The following RPS6KC1 variants were observed in gnomAD, a reference collection of about 807,000 sequenced individuals.
The protein encoded by RPS6KC1 is ribosomal protein S6 kinase C1, also known as inactive ribosomal protein S6 kinase delta-1.
A neutral mutation model predicts 103.8 loss-of-function variants in RPS6KC1; 54 were observed. The ratio of observed to expected loss-of-function variants is 0.52; its 90% confidence interval spans 0.42 to 0.65. RPS6KC1 has a LOEUF of 0.65. RPS6KC1 is among the 30% of genes least tolerant of loss of function. The pLI is 0.00. For missense variants in RPS6KC1, 1,151 were observed against 1,253.8 expected (o/e 0.92, Z 1.24); for synonymous variants, 439 against 438.7 (o/e 1.00, Z -0.01).
At chr1:213,088,672 A>AT (rs904968987) in intron 3 of RPS6KC1, among the ~76,000 whole-genome samples, 2 of 151,888 alleles carry the variant, frequency 1.3e-5, no homozygotes, top group Admixed American at 6.6e-5. Flanking sequence ...CTCATGGCTA[A>AT]TTTTTTTTAT....
the RPS6KC1 span, among the ~76,000 whole-genome samples, chr1:213,786,239 A>G: frequency 6.6e-6 from 1 of 152,290 alleles, no homozygotes; most frequent in African/African-American, 2.4e-5. Flanking sequence ...GTATAAAAAG[A>G]TTTGTTCTTA....
chr1:213,802,796 C>G, the RPS6KC1 span, among the ~76,000 whole-genome samples: 1 of 152,266 alleles, frequency 6.6e-6, no homozygotes, highest in South Asian at 2.1e-4. Context: ...TCCTGGGATG[C>G]TTGAGGTGAG....
At chr1:213,134,113 T>C (rs6692144) in intron 6 of RPS6KC1, among the ~76,000 whole-genome samples, 110,328 of 151,880 alleles carry the variant, frequency 0.73, 40,852 homozygotes, top group African/African-American at 0.86. Flanking sequence ...TCAAATTGAG[T>C]GACGGCCCTT....
the RPS6KC1 span, among the ~76,000 whole-genome samples, chr1:213,788,494 A>G: frequency 2.0e-5 from 3 of 151,964 alleles, no homozygotes; most frequent in Non-Finnish European, 4.4e-5. Context: ...AAAAAGCAAA[A>G]CCCACCGAAA....
chr1:213,068,710 A>G (rs1022622731), intron 1 of RPS6KC1, among the ~76,000 whole-genome samples: 14 of 151,646 alleles, frequency 9.2e-5, no homozygotes, highest in Non-Finnish European at 2.1e-4. Flanking sequence ...ACATGTAGCT[A>G]TTTTGATTTA....
At chr1:213,473,329 A>G in the RPS6KC1 span, among the ~76,000 whole-genome samples, 2 of 152,192 alleles carry the variant, frequency 1.3e-5, no homozygotes, top group Non-Finnish European at 2.9e-5. Context: ...CTATCCCCCA[A>G]TAGTGGACAG....
At chr1:213,168,646 G>A (rs1020725453) in intron 7 of RPS6KC1, among the ~76,000 whole-genome samples, 1 of 150,922 alleles carries the variant, frequency 6.6e-6, no homozygotes, top group African/African-American at 2.4e-5. Context: ...TTTTTGAAAC[G>A]GAGTCTCACT....
intron 5 of RPS6KC1, among the ~76,000 whole-genome samples, chr1:213,119,373 G>C (rs2084078955): frequency 6.8e-6 from 1 of 146,198 alleles, no homozygotes; most frequent in Non-Finnish European, 1.5e-5. Flanking sequence ...CCTGAACCAT[G>C]GGGGTGGAGG....
chr1:213,357,320 C>T, the RPS6KC1 span, among the ~76,000 whole-genome samples: 1 of 152,128 alleles, frequency 6.6e-6, no homozygotes, highest in Non-Finnish European at 1.5e-5. Flanking sequence ...GGGCCCTGTC[C>T]TGCCAGCTTT....
At chr1:213,278,968 A>G (rs188906228), downstream of RPS6KC1, among the ~76,000 whole-genome samples, 2 of 151,986 alleles carry the variant, frequency 1.3e-5, no homozygotes, top group Non-Finnish European at 2.9e-5. Flanking sequence ...AGGCATGGAG[A>G]TGGGAAAATG....
At chr1:213,504,119 G>T in the RPS6KC1 span, among the ~76,000 whole-genome samples, 1 of 152,194 alleles carries the variant, frequency 6.6e-6, no homozygotes, top group Admixed American at 6.5e-5. Flanking sequence ...TTAATGCCAG[G>T]TATATACAAT....
chr1:213,813,803 A>C, the RPS6KC1 span, among the ~76,000 whole-genome samples: 1 of 152,288 alleles, frequency 6.6e-6, no homozygotes, highest in Admixed American at 6.5e-5. Flanking sequence ...TGCCAACAGC[A>C]AGCTCGTCTC....
At chr1:213,854,554 T>TTCTTTC in the RPS6KC1 span, among the ~76,000 whole-genome samples, 447 of 108,472 alleles carry the variant, frequency 4.1e-3, 2 homozygotes, top group South Asian at 0.02. Context: ...CTTTCTTTCT[T>TTCTTTC]TCTTTCTTTC....
chr1:213,538,732 G>A, the RPS6KC1 span, among the ~76,000 whole-genome samples: 1 of 152,158 alleles, frequency 6.6e-6, no homozygotes, highest in Admixed American at 6.5e-5. Context: ...CTGTGCACTA[G>A]TACTCATCCT....
chr1:213,260,398 A>G (rs1487518947), intron 12 of RPS6KC1, among the ~76,000 whole-genome samples: 1 of 152,150 alleles, frequency 6.6e-6, no homozygotes, highest in African/African-American at 2.4e-5. Context: ...TGAATGGAGT[A>G]ATTTCAGTGT....
the RPS6KC1 span, among the ~76,000 whole-genome samples, chr1:213,376,601 C>T: frequency 6.6e-6 from 1 of 152,086 alleles, no homozygotes; most frequent in Non-Finnish European, 1.5e-5. Flanking sequence ...GATTTTGCCT[C>T]CTGCTCTGCT....
chr1:213,694,889 G>A, the RPS6KC1 span, among the ~76,000 whole-genome samples: 2 of 152,180 alleles, frequency 1.3e-5, no homozygotes, highest in Non-Finnish European at 2.9e-5. Flanking sequence ...AGGAAAACCA[G>A]GTAGGTTCTG....
intron 10 of RPS6KC1, among the ~76,000 whole-genome samples, chr1:213,239,609 T>G (rs2094305261): frequency 6.6e-6 from 1 of 152,174 alleles, no homozygotes; most frequent in Non-Finnish European, 1.5e-5. Context: ...TTAGGTACCC[T>G]TGGCATATGA....
chr1:213,609,134 T>C, the RPS6KC1 span, among the ~76,000 whole-genome samples: 1 of 152,216 alleles, frequency 6.6e-6, no homozygotes, highest in Non-Finnish European at 1.5e-5. Context: ...ATTCCTAACA[T>C]TGTCATGATC....
Sources: gnomAD v4.1 joint callset for allele counts (sites outside exome capture counted in the v4.1 genomes callset) on GRCh38, gnomAD v4.1.1 for gene constraint, MANE v1.5 for transcripts, NCBI Gene and HGNC (gene_info 2026-07-23, HGNC 2026-07-21) for gene names.